Variants in DISP3 observed in about 807,000 individuals in gnomAD.
DISP3 encodes protein dispatched homolog 3.
Under a neutral mutation model 135.3 loss-of-function variants are expected in DISP3, and 101 were observed. The observed-to-expected ratio is 0.75, with a 90% confidence interval of 0.64 to 0.88. DISP3 has a LOEUF of 0.88. Among genes scored for constraint, DISP3 ranks in the 40% least tolerant of loss-of-function variants. The probability of loss-of-function intolerance (pLI) is 0.00; values close to 1 mark genes in which losing one functional copy is unlikely to be tolerated. For synonymous variants in DISP3, 856 were observed against 817.0 expected (o/e 1.05, Z -0.81); for missense variants, 1,713 against 1,878.6 (o/e 0.91, Z 1.63).
rs1229908710 is a variant in DISP3, at chr1:11,516,379, C to A, written c.1749+218C>A. ...AATCCAGACAGCATGCATTAGGGAT[C>A]CTCAGTAGTAGTAATCCAGCCTCCA... On this transcript the variant is annotated intron_variant, in intron 6 of 20. Coordinates refer to ENST00000294484, the MANE Select transcript of DISP3 (RefSeq NM_020780.2). The surrounding 1 kb of genome is among the most constrained non-coding windows in gnomAD (Gnocchi z 5.1). 2.0e-5 allele frequency among the ~76,000 whole-genome samples: 3 copies of A among 152,174 alleles called. No homozygotes were observed. The highest frequency in any genetic ancestry group is 2.9e-5 in the Non-Finnish European group (2 of 68,048).
At chr1:11,512,745 A>G (rs1367134929) in intron 3 of DISP3, among the ~76,000 whole-genome samples, 3 of 152,160 alleles carry the variant, frequency 2.0e-5, no homozygotes, top group Non-Finnish European at 4.4e-5. Context: ...TACTGGTACC[A>G]ATTTACTGTA....
Position 11,535,185 on chromosome 1 carries a change from C to T in DISP3, c.3649+61C>T, listed in dbSNP as rs377092820. 206 of 1,479,446 alleles carry T rather than the reference C, an allele frequency of 1.4e-4. No individual in the cohort carries two copies. In the African/African-American group the frequency reaches 2.2e-3, roughly 16 times the overall value. 91.6% of individuals were successfully genotyped at this position (1,479,446 alleles called of 1,614,324 possible). A position where few individuals can be genotyped will look rare whatever the true frequency, so the allele number is the denominator to read the frequency against. On this transcript the variant is annotated intron_variant, in intron 19 of 20. Coordinates refer to ENST00000294484, the MANE Select transcript of DISP3 (RefSeq NM_020780.2). ...TAGGGACGGGAACAGACAGTCTCCC[C>T]GGTGGCCCCAGGTAGCCTCCAGGCC...
chr1:11,510,469 A>G (rs1454664664), intron 3 of DISP3, among the ~76,000 whole-genome samples: 1 of 152,032 alleles, frequency 6.6e-6, no homozygotes, highest in Non-Finnish European at 1.5e-5. Context: ...CCTGGCCTTT[A>G]TGTTATTGTG....
chr1:11,484,687 C>A (rs1640988843), intron 1 of DISP3, among the ~76,000 whole-genome samples: 1 of 152,156 alleles, frequency 6.6e-6, no homozygotes, highest in African/African-American at 2.4e-5. Context: ...GGGAACCTGC[C>A]AGTTTGGAAA....
rs1238461245 is a variant in DISP3 at position 11,515,423 on chromosome 1, T to G, written c.1508T>G (p.Leu503Arg). The change falls in exon 5 of 21, where the codon CTC becomes CGC. Residue 503 changes from leucine (L) to arginine (R), a missense_variant. By Grantham distance (102) the Leu-to-Arg change is moderately radical. Coordinates refer to ENST00000294484, the MANE Select transcript of DISP3 (RefSeq NM_020780.2). The stretch of plus-strand genomic sequence containing the variant: ...ATTGGTCTCAGCTGCCTGGTGGCCC[T>G]CTTCCTGTACCACGTGGTCTTTGGT... ...ASIGLSCLVA[L>R]FLYHVVFGIQ... is the part of the protein sequence containing the mutation. 6 of 1,614,212 alleles carry G rather than the reference T, an allele frequency of 3.7e-6. No individual in the cohort carries two copies. The highest frequency in any genetic ancestry group is 5.1e-6 in the Non-Finnish European group (6 of 1,180,006).
intron 1 of DISP3, among the ~76,000 whole-genome samples, chr1:11,480,123 C>A (rs1168658199): frequency 6.6e-6 from 1 of 152,188 alleles, no homozygotes; most frequent in African/African-American, 2.4e-5. Flanking sequence ...CTGGGGAGGC[C>A]GGCAGCAGGG....
chr1:11,510,065 C>G (rs1641816736), intron 3 of DISP3, among the ~76,000 whole-genome samples: 1 of 152,064 alleles, frequency 6.6e-6, no homozygotes, highest in South Asian at 2.1e-4. Flanking sequence ...TGCCACTGCA[C>G]TCCAGCCTGG....
Position 11,529,634 on chromosome 1 carries a change from C to T in DISP3, c.2877C>T (p.Ser959=). ...VCMAPPGCLL[S]SSPDGPTKGF... ...TGGCACCCCCTGGCTGCCTGCTTAG[C>T]TCCAGCCCCGATGGGCCTACCAAAG... Residue 959 remains serine, a synonymous_variant, in exon 14 of 21, where the codon AGC becomes AGT. Coordinates refer to ENST00000294484, the MANE Select transcript of DISP3 (RefSeq NM_020780.2). This position sits in a 1 kb window ranked among gnomAD's most constrained non-coding sequence, Gnocchi z 4.7. 2 of 1,609,578 alleles carry T rather than the reference C, an allele frequency of 1.2e-6. No individual in the cohort carries two copies. The highest frequency in any genetic ancestry group is 1.7e-6 in the Non-Finnish European group (2 of 1,176,564).
Position 11,524,002 on chromosome 1 carries a change from A to C in DISP3, c.2423A>C (p.Lys808Thr). Residue 808 changes from lysine (K) to threonine (T), a missense_variant, in exon 11 of 21, where the codon AAG (lysine) becomes ACG (threonine). This residue lies in a region of DISP3 where 1,142 missense variants were observed against 1,384.6 expected (regional missense o/e 0.82). Transcript: ENST00000294484. ...AACATCCGGACGTCCCTGGAGAAGA[A>C]GAGGCGAGGCTCAGGGGTCCCCTGG... Reference protein sequence around the residue: ...QNNIRTSLEKKRRGSGVPWAS... With the variant: ...QNNIRTSLEKTRRGSGVPWAS... The C allele has an allele frequency of 6.2e-7, 1 of 1,613,250 alleles. No homozygotes were observed. The highest frequency in any genetic ancestry group is 8.5e-7 in the Non-Finnish European group (1 of 1,179,630).
chr1:11,534,945 C>A, intron 18 of DISP3, 66 bp from the exon 19 acceptor site: 1 of 1,402,808 alleles, frequency 7.1e-7, no homozygotes, highest in Non-Finnish European at 9.8e-7. Flanking sequence ...AAGGGCTCAC[C>A]CCAGCAGCAC....
At position 11,491,730 on chromosome 1, in the gene DISP3, A is replaced by C. The variant is rs749146816; in HGVS notation, c.-3-9260A>C. ...GCCTAGTGACTCCGATTCACGTAAAAGTCCAAGGATCTTTGGGGCAGAGAA... is the reference window on the plus strand; with the variant it reads ...GCCTAGTGACTCCGATTCACGTAAACGTCCAAGGATCTTTGGGGCAGAGAA... On this transcript the variant is annotated intron_variant, in intron 1 of 20. Transcript: ENST00000294484. This position sits in a 1 kb window ranked among gnomAD's most constrained non-coding sequence, Gnocchi z 4.3. 7.2e-5 allele frequency among the ~76,000 whole-genome samples: 11 copies of C among 152,320 alleles called. No individual in the cohort carries two copies. The highest frequency in any genetic ancestry group is 1.2e-4 in the Non-Finnish European group (8 of 68,022).
chr1:11,501,894 T>C lies in DISP3; in HGVS notation c.902T>C (p.Ile301Thr), dbSNP rs1460257472. Residue 301 changes from isoleucine (I) to threonine (T), a missense_variant, in exon 2 of 21, where the codon ATC becomes ACC. This residue lies in a region of DISP3 where 571 missense variants were observed against 494.1 expected (regional missense o/e 1.16). Coordinates refer to ENST00000294484, the MANE Select transcript of DISP3 (RefSeq NM_020780.2). This position sits in a 1 kb window ranked among gnomAD's most constrained non-coding sequence, Gnocchi z 4.9. ...TSERLVTIHE[I>T]ERKIMDHPGF... Reference sequence around the variant, plus strand: ...GAGCGCCTGGTCACGATCCATGAGATCGAGCGCAAGATCATGGACCACCCA... The same window carrying C: ...GAGCGCCTGGTCACGATCCATGAGACCGAGCGCAAGATCATGGACCACCCA... 1.2e-6 allele frequency: 2 copies of C among 1,613,352 alleles called. No homozygotes were observed. The highest frequency in any genetic ancestry group is 1.7e-6 in the Non-Finnish European group (2 of 1,179,782).
chr1:11,489,412 T>G (rs1229313953), intron 1 of DISP3, among the ~76,000 whole-genome samples: 2 of 152,240 alleles, frequency 1.3e-5, no homozygotes, highest in Non-Finnish European at 2.9e-5. Flanking sequence ...GACCACCTGC[T>G]GTGTCCCAGC....
chr1:11,533,852 T>C (rs1004989779), intron 17 of DISP3: 6 of 717,588 alleles, frequency 8.4e-6, no homozygotes, highest in Admixed American at 2.0e-5. Flanking sequence ...CTCTCATTCA[T>C]CATCCATGAG....
chr1:11,531,237 G>A lies in DISP3; in HGVS notation c.3229+204G>A, dbSNP rs769895491. 2.0e-5 allele frequency among the ~76,000 whole-genome samples: 3 copies of A among 152,178 alleles called. No homozygotes were observed. Among genetic ancestry groups the A allele is most frequent in the Non-Finnish European group, 2.9e-5 (2 of 68,028 alleles). On this transcript the variant is annotated intron_variant, in intron 16 of 20. Coordinates refer to ENST00000294484, the MANE Select transcript of DISP3 (RefSeq NM_020780.2). This position sits in a 1 kb window ranked among gnomAD's most constrained non-coding sequence, Gnocchi z 5.2. ...AGGGTTTTTGGATGTGAGCAGGCTTGTGTGTGAACAGGACTGGTGCAGAGG... is the reference window on the plus strand; with the variant it reads ...AGGGTTTTTGGATGTGAGCAGGCTTATGTGTGAACAGGACTGGTGCAGAGG...
chr1:11,521,288 A>G (rs1570126551), intron 10 of DISP3, among the ~76,000 whole-genome samples: 2 of 86,908 alleles, frequency 2.3e-5, no homozygotes, highest in Admixed American at 1.5e-4. Context: ...CCAGGTGGGG[A>G]GGGGAAAGGA....
rs1221966434 is a variant in DISP3 at position 11,519,105 on chromosome 1, C to G, written c.1890-250C>G. Among the ~76,000 whole-genome samples the G allele has an allele frequency of 6.6e-6, 1 of 152,108 alleles. No individual in the cohort carries two copies. Among genetic ancestry groups the G allele is most frequent in the East Asian group, 1.9e-4 (1 of 5,182 alleles). The stretch of plus-strand genomic sequence containing the variant: ...GCCCGGGCCACTGTGTGTTGTCATC[C>G]CCTCTTCCTGGGTAATGTTTGCTGT... On this transcript the variant is annotated intron_variant, in intron 7 of 20. Transcript: ENST00000294484. The surrounding 1 kb of genome is among the most constrained non-coding windows in gnomAD (Gnocchi z 4.3).
At chr1:11,497,811 C>T (rs1398043940) in intron 1 of DISP3, among the ~76,000 whole-genome samples, 1 of 152,180 alleles carries the variant, frequency 6.6e-6, no homozygotes, top group African/African-American at 2.4e-5. Flanking sequence ...CTAATCTCAT[C>T]CAGGTTGCTG....
chr1:11,535,254 T>TC, intron 19 of DISP3, 130 bp downstream of exon 19: 1 of 1,049,506 alleles, frequency 9.5e-7, no homozygotes, highest in Non-Finnish European at 1.4e-6. Flanking sequence ...CTCATAGGAC[T>TC]GTCTCTCCTG....
Sources: allele counts gnomAD v4.1 joint callset (sites outside exome capture counted in the v4.1 genomes callset), GRCh38; gene constraint gnomAD v4.1.1; regional missense constraint gnomAD v4.1.1; non-coding constraint Gnocchi (gnomAD v3.1); transcripts MANE v1.5; gene names NCBI Gene and HGNC (gene_info 2026-07-23, HGNC 2026-07-21).